TENT4B: variants seen among roughly 807,000 people sequenced by gnomAD.
TENT4B encodes the protein terminal nucleotidyltransferase 4B.
In TENT4B, 10 loss-of-function variants were observed where a neutral mutation model predicts 75.0. The ratio of observed to expected loss-of-function variants is 0.13; its 90% CI spans 0.08 to 0.23. The LOEUF is 0.23. TENT4B is among the 10% of genes least tolerant of loss of function. The pLI is 1.00. For synonymous variants in TENT4B, 350 were observed against 357.7 expected (o/e 0.98, Z 0.24); for missense variants, 579 against 893.8 (o/e 0.65, Z 4.49).
intron 1 of TENT4B, among the ~76,000 whole-genome samples, chr16:50,183,126 C>T (rs980777939): frequency 6.6e-6 from 1 of 151,514 alleles, no homozygotes; most frequent in Non-Finnish European, 1.5e-5. Flanking sequence ...TCACCGCAAC[C>T]TCTGCCTCCC....
Position 50,231,345 on chromosome 16 carries a change from C to G in TENT4B, c.*2017C>G. 1.0e-6 allele frequency: 1 copy of G among 980,850 alleles called. No individual in the cohort carries two copies. The highest frequency in any genetic ancestry group is 1.2e-6 in the Non-Finnish European group (1 of 825,360). 60.8% of individuals were successfully genotyped at this position (980,850 alleles called of 1,614,324 possible). A position where few individuals can be genotyped will look rare whatever the true frequency, so the allele number is the denominator to read the frequency against. Reference sequence around the variant, plus strand: ...TTGTGAATGTGTAGACTTATGTTTACTGCTAAGGGAACAATTATTTATAAA... The same window carrying G: ...TTGTGAATGTGTAGACTTATGTTTAGTGCTAAGGGAACAATTATTTATAAA... On this transcript the variant is annotated 3_prime_UTR_variant, in exon 12 of 12. Transcript: ENST00000561678.
At chr16:50,219,317 C>T (rs1376977958) in intron 5 of TENT4B, among the ~76,000 whole-genome samples, 1 of 152,108 alleles carries the variant, frequency 6.6e-6, no homozygotes, top group Non-Finnish European at 1.5e-5. Context: ...AAAGGAGTAG[C>T]ACATTATACA....
At chr16:50,153,021 C>T, upstream of TENT4B, 1 of 1,515,704 alleles carries the variant, frequency 6.6e-7, no homozygotes. Flanking sequence ...TCAGAAGCTC[C>T]CGGACGCCCA....
intron 1 of TENT4B, among the ~76,000 whole-genome samples, chr16:50,210,640 T>C (rs2150733306): frequency 6.6e-6 from 1 of 152,316 alleles, no homozygotes; most frequent in Middle Eastern, 3.4e-3. Flanking sequence ...TTGGTCCCTC[T>C]CAGAAACATT....
chr16:50,158,899 G>T (rs1333842968), intron 1 of TENT4B, among the ~76,000 whole-genome samples: 3 of 152,126 alleles, frequency 2.0e-5, no homozygotes, highest in Non-Finnish European at 4.4e-5. Flanking sequence ...TCCTTAAGTG[G>T]ATTTAATAAT....
intron 1 of TENT4B, among the ~76,000 whole-genome samples, chr16:50,190,376 G>T (rs1430992262): frequency 6.6e-6 from 1 of 151,928 alleles, no homozygotes; most frequent in South Asian, 2.1e-4. Flanking sequence ...GTGACATTAA[G>T]TACAGTCCCA....
At chr16:50,192,178 C>T (rs2038653216) in intron 1 of TENT4B, among the ~76,000 whole-genome samples, 1 of 148,686 alleles carries the variant, frequency 6.7e-6, no homozygotes, top group Admixed American at 6.7e-5. Flanking sequence ...GAGGTGGAGG[C>T]TACAGTGAGC....
At chr16:50,207,536 T>TG (rs1181246060) in intron 1 of TENT4B, among the ~76,000 whole-genome samples, 1 of 152,188 alleles carries the variant, frequency 6.6e-6, no homozygotes, top group African/African-American at 2.4e-5. Flanking sequence ...CACTGTATTT[T>TG]GGGTACATAC....
intron 1 of TENT4B, among the ~76,000 whole-genome samples, chr16:50,178,695 C>G (rs1368893781): frequency 6.6e-6 from 1 of 152,044 alleles, no homozygotes. Flanking sequence ...TGAGAAAAGC[C>G]AGACACAAAA....
At chr16:50,170,642 A>G (rs943324602) in intron 1 of TENT4B, among the ~76,000 whole-genome samples, 1 of 151,692 alleles carries the variant, frequency 6.6e-6, no homozygotes, top group African/African-American at 2.4e-5. Context: ...AGACAAAGCT[A>G]TCTCTCAGGC....
chr16:50,209,161 G>C (rs144842272), intron 1 of TENT4B, among the ~76,000 whole-genome samples: 3 of 152,284 alleles, frequency 2.0e-5, no homozygotes, highest in Non-Finnish European at 2.9e-5. Flanking sequence ...ACATTTAGGA[G>C]ATTTTTCCCC....
chr16:50,233,074 G>T lies in TENT4B; in HGVS notation c.*3746G>T, dbSNP rs1012639569. ...AAGGCACATTCTCAAAGTATTTTAT[G>T]AGCAAAATATTCTATAAATGCGTCT... On this transcript the variant is annotated 3_prime_UTR_variant, in exon 12 of 12. Transcript: ENST00000561678. The T allele has an allele frequency of 1.0e-6, 1 of 984,458 alleles. No individual in the cohort carries two copies. Among genetic ancestry groups the T allele is most frequent in the African/African-American group, 1.7e-5 (1 of 57,192 alleles). 61.0% of individuals were successfully genotyped at this position (984,458 alleles called of 1,614,324 possible). A position where few individuals can be genotyped will look rare whatever the true frequency, so the allele number is the denominator to read the frequency against.
chr16:50,164,547 T>G (rs2038063775), intron 1 of TENT4B, among the ~76,000 whole-genome samples: 2 of 152,016 alleles, frequency 1.3e-5, no homozygotes, highest in African/African-American at 4.8e-5. Context: ...GACCTCGTGA[T>G]CCACCTGCCT....
chr16:50,171,410 G>A (rs1258559303), intron 1 of TENT4B, among the ~76,000 whole-genome samples: 1 of 151,984 alleles, frequency 6.6e-6, no homozygotes, highest in Non-Finnish European at 1.5e-5. Flanking sequence ...TGGCTGTGGT[G>A]GGGAAAGTGG....
chr16:50,167,308 G>A (rs117005240), intron 1 of TENT4B, among the ~76,000 whole-genome samples: 4 of 152,052 alleles, frequency 2.6e-5, no homozygotes, highest in Non-Finnish European at 5.9e-5. Flanking sequence ...GCCTCTGGCC[G>A]TGGGTTGGAT....
intron 1 of TENT4B, among the ~76,000 whole-genome samples, chr16:50,155,904 C>T (rs1275476289): frequency 6.6e-6 from 1 of 152,080 alleles, no homozygotes; most frequent in African/African-American, 2.4e-5. Context: ...TTACTGAAGC[C>T]TCTTTGCATG....
chr16:50,205,346 C>A (rs1201311798), intron 1 of TENT4B, among the ~76,000 whole-genome samples: 1 of 151,904 alleles, frequency 6.6e-6, no homozygotes, highest in African/African-American at 2.4e-5. Context: ...CAAAAGTGGA[C>A]AAATACATGC....
rs2037913468 is a variant in TENT4B at position 50,156,961 on chromosome 16, A to G, written c.638+2702A>G. ...GGCATGAGCCACCATTCTCGCCAGT[A>G]TCCTTATTTCTTAACTTTAGAAAGT... On this transcript the variant is annotated intron_variant, in intron 1 of 11. Transcript: ENST00000561678. 2.6e-5 allele frequency among the ~76,000 whole-genome samples: 4 copies of G among 152,274 alleles called. No individual in the cohort carries two copies. In the South Asian group the frequency reaches 8.3e-4, roughly 32 times the overall value.
intron 2 of TENT4B, among the ~76,000 whole-genome samples, chr16:50,212,577 C>A (rs555867557): frequency 6.6e-6 from 1 of 152,118 alleles, no homozygotes; most frequent in South Asian, 2.1e-4. Flanking sequence ...GTAAAACTTG[C>A]AAGTATATGA....
Sources: allele counts gnomAD v4.1 joint callset (sites outside exome capture counted in the v4.1 genomes callset), GRCh38; gene constraint gnomAD v4.1.1; transcripts MANE v1.5; gene names NCBI Gene and HGNC (gene_info 2026-07-23, HGNC 2026-07-21).